DLG2: variants seen among roughly 807,000 people sequenced by gnomAD.
DLG2 encodes discs large MAGUK scaffold protein 2.
In DLG2, 45 loss-of-function variants were observed where a neutral mutation model predicts 132.5. That is an observed-to-expected ratio of 0.34 (90% confidence interval 0.27 to 0.44). The LOEUF (loss-of-function observed/expected upper bound fraction) is 0.44. Among genes scored for constraint, DLG2 ranks in the 20% least tolerant of loss-of-function variants. DLG2 has a pLI of 1.00. For synonymous variants in DLG2, 424 were observed against 419.6 expected, an observed-to-expected ratio of 1.01 and a Z score of -0.13; for missense variants, 1,045 against 1,196.9, an observed-to-expected ratio of 0.87 and a Z score of 1.87.
At position 84,067,834 on chromosome 11, in the gene DLG2, G is replaced by A. The variant is rs536169141; in HGVS notation, c.750-8350C>T. On this transcript the variant is annotated intron_variant, in intron 10 of 27. Coordinates refer to ENST00000376104, the MANE Select transcript of DLG2 (RefSeq NM_001142699.3). ...ATAAAAAATAAAAGAATAAAAATCAGCATAATTTAGCATTTTTCCAAGAAA... is the reference window on the plus strand; with the variant it reads ...ATAAAAAATAAAAGAATAAAAATCAACATAATTTAGCATTTTTCCAAGAAA... Among the ~76,000 whole-genome samples, 7 of 152,246 alleles carry A rather than the reference G, an allele frequency of 4.6e-5. 1 individual carries two copies. In the South Asian group the frequency reaches 1.0e-3, roughly 23 times the overall value.
chr11:84,949,715 T>C (rs1014404718), intron 6 of DLG2, among the ~76,000 whole-genome samples: 4 of 152,186 alleles, frequency 2.6e-5, no homozygotes, highest in Non-Finnish European at 5.9e-5. Flanking sequence ...CTCTGAACAA[T>C]TGCTGTTATC....
At chr11:83,543,328 A>G (rs1273513094) in intron 19 of DLG2, among the ~76,000 whole-genome samples, 2 of 152,214 alleles carry the variant, frequency 1.3e-5, no homozygotes, top group African/African-American at 4.8e-5. Context: ...TGTGACATAT[A>G]TTAGTTAACA....
At chr11:85,103,356 C>A (rs1257764949) in intron 6 of DLG2, among the ~76,000 whole-genome samples, 1 of 151,916 alleles carries the variant, frequency 6.6e-6, no homozygotes, top group Admixed American at 6.6e-5. Context: ...TTCCAACTTA[C>A]TACAAAGCTA....
intron 7 of DLG2, among the ~76,000 whole-genome samples, chr11:84,465,927 T>C (rs1333366996): frequency 2.0e-5 from 3 of 151,228 alleles, no homozygotes; most frequent in Non-Finnish European, 4.4e-5. Flanking sequence ...TTTTGACTCT[T>C]CACTTTTTTA....
chr11:83,994,726 C>T (rs1477763625), intron 11 of DLG2, among the ~76,000 whole-genome samples: 1 of 152,074 alleles, frequency 6.6e-6, no homozygotes, highest in African/African-American at 2.4e-5. Flanking sequence ...TAACAAAGTA[C>T]TAAAAAGTAA....
intron 6 of DLG2, among the ~76,000 whole-genome samples, chr11:84,680,317 A>C (rs1463304008): frequency 6.6e-6 from 1 of 152,110 alleles, no homozygotes; most frequent in East Asian, 1.9e-4. Context: ...TCTAGGCTAC[A>C]AAAAGAGTAT....
intron 4 of DLG2, among the ~76,000 whole-genome samples, chr11:85,278,727 C>T (rs2078048769): frequency 6.6e-6 from 1 of 152,192 alleles, no homozygotes; most frequent in Non-Finnish European, 1.5e-5. Context: ...ATACATTACA[C>T]AAAGCCCATT....
chr11:84,721,335 C>T (rs2061816518), intron 6 of DLG2, among the ~76,000 whole-genome samples: 1 of 152,138 alleles, frequency 6.6e-6, no homozygotes, highest in South Asian at 2.1e-4. Context: ...AGGGAAGCGG[C>T]CTCAGAACCA....
At chr11:85,220,243 G>A (rs896471046) in intron 4 of DLG2, among the ~76,000 whole-genome samples, 2 of 152,096 alleles carry the variant, frequency 1.3e-5, no homozygotes, top group African/African-American at 2.4e-5. Context: ...AAAGTTGAAT[G>A]GGGTTGGAAA....
chr11:84,231,586 C>A (rs868363922), intron 8 of DLG2, among the ~76,000 whole-genome samples: 1 of 152,004 alleles, frequency 6.6e-6, no homozygotes, highest in Non-Finnish European at 1.5e-5. Flanking sequence ...ATTCAGGAAA[C>A]TGGGAGAACT....
chr11:85,555,934 T>G (rs2076921826), intron 3 of DLG2, among the ~76,000 whole-genome samples: 1 of 151,860 alleles, frequency 6.6e-6, no homozygotes, highest in African/African-American at 2.4e-5. Context: ...AGAAGGTATT[T>G]GAGCCTCAAC....
At position 85,223,093 on chromosome 11, in the gene DLG2, A is replaced by G. The variant is rs1396071066; in HGVS notation, c.186+62127T>C. Among the ~76,000 whole-genome samples, 11 of 152,300 alleles carry G rather than the reference A, an allele frequency of 7.2e-5. 1 individual carries two copies. Among genetic ancestry groups the G allele is most frequent in the Admixed American group, 4.6e-4 (7 of 15,288 alleles). On this transcript the variant is annotated intron_variant, in intron 4 of 27. Coordinates refer to ENST00000376104, the MANE Select transcript of DLG2 (RefSeq NM_001142699.3). Reference sequence around the variant, plus strand: ...GTGCCAAGCAAATCAAATGCCAAGAAAGAAACTTTGTTTGTTACTAATTTT... The same window carrying G: ...GTGCCAAGCAAATCAAATGCCAAGAGAGAAACTTTGTTTGTTACTAATTTT...
intron 6 of DLG2, among the ~76,000 whole-genome samples, chr11:84,828,080 C>A (rs989657342): frequency 6.6e-6 from 1 of 151,590 alleles, no homozygotes; most frequent in Non-Finnish European, 1.5e-5. Flanking sequence ...GCGGTGGAAA[C>A]GTTTGTAAAA....
At chr11:84,609,747 T>C (rs2099592108) in intron 6 of DLG2, among the ~76,000 whole-genome samples, 1 of 152,156 alleles carries the variant, frequency 6.6e-6, no homozygotes, top group Non-Finnish European at 1.5e-5. Context: ...TAGTAGAGGA[T>C]GTTGAGTGAA....
chr11:84,840,734 C>A (rs570774519), intron 6 of DLG2, among the ~76,000 whole-genome samples: 1 of 152,094 alleles, frequency 6.6e-6, no homozygotes, highest in African/African-American at 2.4e-5. Context: ...AGCAAACTAT[C>A]ACAAGGACAG....
At chr11:83,488,484 A>G (rs1230262815) in intron 21 of DLG2, among the ~76,000 whole-genome samples, 1 of 152,012 alleles carries the variant, frequency 6.6e-6, no homozygotes. Context: ...AAAAACTCAA[A>G]TTATTTTCCT....
chr11:83,463,256 GAA>G (rs34949228), intron 26 of DLG2, among the ~76,000 whole-genome samples: 1 of 144,510 alleles, frequency 6.9e-6, no homozygotes, highest in African/African-American at 2.5e-5. Flanking sequence ...AGGCTATTTG[GAA>G]AAAAAAAAAA....
intron 3 of DLG2, among the ~76,000 whole-genome samples, chr11:85,367,581 T>C (rs1349930484): frequency 1.3e-5 from 2 of 152,194 alleles, no homozygotes; most frequent in African/African-American, 4.8e-5. Flanking sequence ...CTTGTTTTCA[T>C]ATCTTAGCTT....
chr11:84,952,668 A>G (rs1272123553), intron 6 of DLG2, among the ~76,000 whole-genome samples: 1 of 152,056 alleles, frequency 6.6e-6, no homozygotes, highest in Non-Finnish European at 1.5e-5. Flanking sequence ...CATGTAAAGT[A>G]AATAGTGAGG....
Sources: gnomAD v4.1 joint callset for allele counts (sites outside exome capture counted in the v4.1 genomes callset) on GRCh38, gnomAD v4.1.1 for gene constraint, MANE v1.5 for transcripts, NCBI Gene and HGNC (gene_info 2026-07-23, HGNC 2026-07-21) for gene names.